ARHGAP11B: variants seen among roughly 807,000 people sequenced by gnomAD.
The protein encoded by ARHGAP11B is inactive Rho GTPase-activating protein 11B.
In ARHGAP11B, 14 loss-of-function variants were observed where a neutral mutation model predicts 27.6. The observed-to-expected ratio is 0.51, with a 90% confidence interval of 0.34 to 0.79. ARHGAP11B has a LOEUF of 0.79. ARHGAP11B is among the 30% of genes least tolerant of loss of function. The pLI, the probability that ARHGAP11B is intolerant of heterozygous loss-of-function variation, is 0.02. For synonymous variants in ARHGAP11B, 82 were observed against 114.1 expected, an observed-to-expected ratio of 0.72 and a Z score of 1.80; for missense variants, 245 against 320.1, an observed-to-expected ratio of 0.77 and a Z score of 1.79.
At chr15:30,635,628 T>A in exon 6 of ARHGAP11B, 1 of 1,613,442 alleles carries the variant, frequency 6.2e-7, no homozygotes, top group Non-Finnish European at 8.5e-7. Flanking sequence ...AGACAACGTG[T>A]AGGAGGTAAG....
At chr15:30,647,891 A>C (rs943230109) in intron 10 of ARHGAP11B, among the ~76,000 whole-genome samples, 7 of 152,012 alleles carry the variant, frequency 4.6e-5, no homozygotes, top group African/African-American at 9.7e-5. Flanking sequence ...AGAATATTTA[A>C]AAATAACCCT....
intron 4 of ARHGAP11B, among the ~76,000 whole-genome samples, chr15:30,634,754 G>C (rs1241652042): frequency 6.6e-6 from 1 of 151,040 alleles, no homozygotes; most frequent in Non-Finnish European, 1.5e-5. Context: ...CAGTGAGCCT[G>C]CTTATTCTAG....
At chr15:30,629,079 T>A (rs2060227570) in intron 1 of ARHGAP11B, among the ~76,000 whole-genome samples, 1 of 152,068 alleles carries the variant, frequency 6.6e-6, no homozygotes, top group African/African-American at 2.4e-5. Context: ...TTAACAAATA[T>A]TTTTTGAATG....
At chr15:30,626,899 C>T (rs2140885929) in exon 1 of ARHGAP11B, 2 of 1,613,342 alleles carry the variant, frequency 1.2e-6, no homozygotes, top group East Asian at 4.5e-5. Flanking sequence ...GAAGGGTGTC[C>T]GTGGGCAGTG....
intron 7 of ARHGAP11B, among the ~76,000 whole-genome samples, chr15:30,644,079 A>G (rs1170790676): frequency 6.6e-6 from 1 of 151,900 alleles, no homozygotes; most frequent in Non-Finnish European, 1.5e-5. Flanking sequence ...CCCAGTGCCA[A>G]CTATATCAAG....
At chr15:30,634,562 C>T (rs2060266880) in intron 4 of ARHGAP11B, 139 bp downstream of exon 4, 1 of 1,425,966 alleles carries the variant, frequency 7.0e-7, no homozygotes, top group Non-Finnish European at 9.3e-7. Context: ...GAGGAGTATA[C>T]TCTAATTTAA....
chr15:30,637,885 T>C (rs373583786), intron 6 of ARHGAP11B, among the ~76,000 whole-genome samples: 8 of 149,788 alleles, frequency 5.3e-5, no homozygotes, highest in African/African-American at 1.2e-4. Context: ...AGTGATGCTA[T>C]CTTGGTTCAC....
chr15:30,644,639 A>G lies in ARHGAP11B; in HGVS notation c.*79A>G, dbSNP rs1595679830. 7 of 1,575,624 alleles carry G rather than the reference A, an allele frequency of 4.4e-6. No individual in the cohort carries two copies. In the East Asian group the frequency reaches 6.7e-5, roughly 15 times the overall value. The stretch of plus-strand genomic sequence containing the variant: ...AAGGTTTTATTTTTTTTAACCACAG[A>G]TAATGAAACAACCACCATCGGTTAA... On this transcript the variant is annotated splice_region_variant and 3_prime_UTR_variant, in exon 8 of 11. Transcript: ENST00000428041.
chr15:30,647,672 A>G (rs2060359177), exon 10 of ARHGAP11B: 1 of 201,212 alleles, frequency 5.0e-6, no homozygotes. Flanking sequence ...TTCTAGTTCT[A>G]ATTGCTAATC....
chr15:30,629,423 G>A (rs1469298373), intron 1 of ARHGAP11B, among the ~76,000 whole-genome samples: 3 of 152,052 alleles, frequency 2.0e-5, no homozygotes, highest in Middle Eastern at 3.4e-3. Flanking sequence ...GCGTGGTGGC[G>A]GGCGCCTGTA....
intron 9 of ARHGAP11B, among the ~76,000 whole-genome samples, chr15:30,646,660 C>CAA (rs35561316): frequency 8.4e-5 from 9 of 107,586 alleles, no homozygotes; most frequent in Admixed American, 1.9e-4. Context: ...GACTCCGTCT[C>CAA]AAAAAAAAAA....
chr15:30,633,629 T>C, intron 3 of ARHGAP11B, 43 bp downstream of exon 3: 1 of 1,567,790 alleles, frequency 6.4e-7, no homozygotes, highest in Non-Finnish European at 8.7e-7. Context: ...TGAGCCATTT[T>C]CTGATTTGGT....
intron 6 of ARHGAP11B, among the ~76,000 whole-genome samples, chr15:30,638,073 G>A (rs967039324): frequency 7.0e-6 from 1 of 142,684 alleles, no homozygotes; most frequent in Non-Finnish European, 1.5e-5. Context: ...GCTTGCCTTG[G>A]CCTCCCAAAA....
rs141147318 is a variant in ARHGAP11B, at chr15:30,646,926, G to A, written c.*324+631G>A. Among the ~76,000 whole-genome samples, 658 of 152,024 alleles carry A rather than the reference G, an allele frequency of 4.3e-3. 8 individuals are homozygous for A. The highest frequency in any genetic ancestry group is 7.6e-3 in the Non-Finnish European group (514 of 67,974). On this transcript the variant is annotated intron_variant, in intron 9 of 10. Coordinates refer to ENST00000428041, the Ensembl canonical transcript of ARHGAP11B. The stretch of plus-strand genomic sequence containing the variant: ...AGAGGTTGCAGTGAGCCGAGATTGC[G>A]GCATTGCACTCCAGCCTGGGCAAAA...
Position 30,641,808 on chromosome 15 carries a change from C to T in ARHGAP11B, c.*79-2831C>T, listed in dbSNP as rs527250129. On this transcript the variant is annotated intron_variant, in intron 7 of 10. Coordinates refer to ENST00000428041, the Ensembl canonical transcript of ARHGAP11B. ...CTTGGCTCACTACAACATCCACCTC[C>T]GATGTTCAAGTGATTCTTGTGCCTC... Among the ~76,000 whole-genome samples, 198 of 151,910 alleles carry T rather than the reference C, an allele frequency of 1.3e-3. 2 individuals carry two copies. The highest frequency in any genetic ancestry group is 4.3e-3 in the African/African-American group (179 of 41,478).
chr15:30,647,720 TA>T, intron 10 of ARHGAP11B: 1 of 214,428 alleles, frequency 4.7e-6, no homozygotes. Flanking sequence ...GATATGTAAG[TA>T]ACATTTATAT....
chr15:30,647,315 G>A (rs922733586), intron 9 of ARHGAP11B, among the ~76,000 whole-genome samples: 5 of 151,886 alleles, frequency 3.3e-5, no homozygotes, highest in Non-Finnish European at 7.4e-5. Context: ...GTTCAGAGGT[G>A]TTTTCTGTAG....
At chr15:30,647,198 A>C (rs1439591624) in intron 9 of ARHGAP11B, among the ~76,000 whole-genome samples, 1 of 151,698 alleles carries the variant, frequency 6.6e-6, no homozygotes, top group Non-Finnish European at 1.5e-5. Context: ...TCCATTGGTA[A>C]GCTTATGGGA....
intron 8 of ARHGAP11B, among the ~76,000 whole-genome samples, chr15:30,645,812 C>T (rs779939110): frequency 6.6e-6 from 1 of 151,946 alleles, no homozygotes; most frequent in African/African-American, 2.4e-5. Context: ...TTACTTCAGT[C>T]GTATTCAACT....
Sources: allele counts gnomAD v4.1 joint callset (sites outside exome capture counted in the v4.1 genomes callset), GRCh38; gene constraint gnomAD v4.1.1; transcripts MANE v1.5; gene names NCBI Gene and HGNC (gene_info 2026-07-23, HGNC 2026-07-21).